The following MSI2 variants were observed in gnomAD, a reference collection of about 807,000 sequenced individuals.
MSI2 encodes the protein RNA-binding protein Musashi homolog 2.
In MSI2, 17 loss-of-function variants were observed where a neutral mutation model predicts 45.6. That is an observed-to-expected ratio of 0.37 (90% CI 0.26 to 0.56). MSI2 has a LOEUF of 0.56. MSI2 is among the 20% of genes least tolerant of loss of function. MSI2 has a pLI of 0.77. For missense variants in MSI2, 293 were observed against 444.2 expected (o/e 0.66, Z 3.06); for synonymous variants, 156 against 158.2 (o/e 0.99, Z 0.11).
intron 5 of MSI2, among the ~76,000 whole-genome samples, chr17:57,365,460 A>T (rs1237098166): frequency 6.6e-6 from 1 of 152,192 alleles, no homozygotes; most frequent in Non-Finnish European, 1.5e-5. Flanking sequence ...CTCACAGGAA[A>T]GTGTGGGGAA....
At chr17:57,510,585 G>A (rs908408340) in intron 6 of MSI2, among the ~76,000 whole-genome samples, 1 of 151,644 alleles carries the variant, frequency 6.6e-6, no homozygotes, top group East Asian at 1.9e-4. Context: ...GTGCCACCAC[G>A]CCCGGCTAAT....
At chr17:57,482,806 C>G (rs1280791790) in intron 6 of MSI2, among the ~76,000 whole-genome samples, 2 of 152,326 alleles carry the variant, frequency 1.3e-5, no homozygotes, top group East Asian at 3.9e-4. Context: ...GCCAGACCCT[C>G]CAGATGCACT....
At chr17:57,512,213 G>A (rs780841513) in intron 6 of MSI2, among the ~76,000 whole-genome samples, 1 of 152,168 alleles carries the variant, frequency 6.6e-6, no homozygotes, top group Non-Finnish European at 1.5e-5. Flanking sequence ...CAGGAATCAA[G>A]TCTTCCTCAT....
At chr17:57,491,691 A>G (rs2085874899) in intron 6 of MSI2, among the ~76,000 whole-genome samples, 1 of 152,144 alleles carries the variant, frequency 6.6e-6, no homozygotes, top group African/African-American at 2.4e-5. Context: ...CTCACTTCCA[A>G]TTCAGGAATC....
At position 57,608,723 on chromosome 17, in the gene MSI2, C is replaced by G. The variant is rs986906985; in HGVS notation, c.538-7247C>G. Among the ~76,000 whole-genome samples the G allele has an allele frequency of 5.9e-5, 9 of 152,224 alleles. No homozygotes were observed. In the South Asian group the frequency reaches 6.2e-4, roughly 11 times the overall value. ...GGGCCCTGTTCGTTCTGCTGTGAGGCTGACTCAGGGCCAGGTGCCGTGCAG... is the reference window on the plus strand; with the variant it reads ...GGGCCCTGTTCGTTCTGCTGTGAGGGTGACTCAGGGCCAGGTGCCGTGCAG... On this transcript the variant is annotated intron_variant, in intron 8 of 13. Coordinates refer to ENST00000284073, the MANE Select transcript of MSI2 (RefSeq NM_138962.4).
intron 5 of MSI2, among the ~76,000 whole-genome samples, chr17:57,361,148 T>C (rs1339054713): frequency 1.3e-5 from 2 of 152,196 alleles, no homozygotes; most frequent in African/African-American, 4.8e-5. Flanking sequence ...CCTGCACAGT[T>C]GAAAATCTGC....
the MSI2 span, among the ~76,000 whole-genome samples, chr17:57,700,899 TC>T: frequency 7.4e-6 from 1 of 135,576 alleles, no homozygotes; most frequent in Non-Finnish European, 1.6e-5. Flanking sequence ...CAAAACTCTG[TC>T]TTAAAAAAAA....
chr17:57,365,826 T>A (rs1917145825), intron 5 of MSI2, among the ~76,000 whole-genome samples: 3 of 152,220 alleles, frequency 2.0e-5, no homozygotes, highest in African/African-American at 4.8e-5. Flanking sequence ...GCCCATCTTG[T>A]CTAACCCTTA....
intron 5 of MSI2, among the ~76,000 whole-genome samples, chr17:57,318,450 G>A (rs995916697): frequency 6.6e-6 from 1 of 152,168 alleles, no homozygotes; most frequent in Non-Finnish European, 1.5e-5. Flanking sequence ...CTCTGGCTTT[G>A]GGGGAGTGCT....
intron 5 of MSI2, among the ~76,000 whole-genome samples, chr17:57,341,137 A>G (rs1437821239): frequency 6.6e-6 from 1 of 152,132 alleles, no homozygotes; most frequent in Admixed American, 6.5e-5. Flanking sequence ...GGGGCTCCCC[A>G]GTCAGAACCA....
intron 7 of MSI2, among the ~76,000 whole-genome samples, chr17:57,587,473 A>G (rs1332818697): frequency 6.6e-6 from 1 of 152,168 alleles, no homozygotes; most frequent in African/African-American, 2.4e-5. Flanking sequence ...GTGCAGTTCC[A>G]TGGAACTAGA....
chr17:57,569,656 A>G (rs2087824798), intron 7 of MSI2, among the ~76,000 whole-genome samples: 1 of 152,234 alleles, frequency 6.6e-6, no homozygotes, highest in Non-Finnish European at 1.5e-5. Flanking sequence ...TTCTGGTCCA[A>G]AGTGAAAAGA....
rs1470530427 is a variant in MSI2, at chr17:57,280,319, A to G, written c.312+18127A>G. On this transcript the variant is annotated intron_variant, in intron 5 of 13. Coordinates refer to ENST00000284073, the MANE Select transcript of MSI2 (RefSeq NM_138962.4). The surrounding 1 kb of genome is among the most constrained non-coding windows in gnomAD (Gnocchi z 4.2). ...AAATATCTCTCTGACAGTCTACACG[A>G]AAAGTGGCTTGTGGGTACCCCAGGG... Among the ~76,000 whole-genome samples, 5 of 152,222 alleles carry G rather than the reference A, an allele frequency of 3.3e-5. No homozygotes were observed. The highest frequency in any genetic ancestry group is 1.2e-4 in the African/African-American group (5 of 41,454).
intron 5 of MSI2, among the ~76,000 whole-genome samples, chr17:57,346,511 T>C (rs1430693955): frequency 6.6e-6 from 1 of 152,174 alleles, no homozygotes; most frequent in Non-Finnish European, 1.5e-5. Context: ...TGTGAATAAG[T>C]GTAGTCCAAG....
chr17:57,341,756 C>T (rs1446974464), intron 5 of MSI2, among the ~76,000 whole-genome samples: 2 of 152,264 alleles, frequency 1.3e-5, no homozygotes, highest in African/African-American at 4.8e-5. Flanking sequence ...CGCTTGTGGG[C>T]ACCGCCACAG....
intron 10 of MSI2, 102 bp from the exon 11 acceptor site, chr17:57,651,997 C>G (rs1419184993): frequency 9.2e-7 from 1 of 1,087,214 alleles, no homozygotes; most frequent in Non-Finnish European, 1.4e-6. Context: ...CCACTCCTGT[C>G]TTTGTGTGGA....
intron 6 of MSI2, among the ~76,000 whole-genome samples, chr17:57,486,586 C>T (rs565653659): frequency 1.3e-5 from 2 of 152,140 alleles, no homozygotes; most frequent in Admixed American, 6.5e-5. Flanking sequence ...AACTCATCTT[C>T]CTTGTATGTG....
intron 7 of MSI2, among the ~76,000 whole-genome samples, chr17:57,587,266 AGCCTGATGAAACACTT>A (rs371853823): frequency 4.4e-4 from 66 of 151,722 alleles, no homozygotes; most frequent in African/African-American, 1.5e-3. Context: ...TTGTAACTAA[AGCCTGATGAAACACTT>A]GCTGGTTCAT....
intron 5 of MSI2, among the ~76,000 whole-genome samples, chr17:57,308,378 TG>T (rs1358653033): frequency 1.3e-5 from 2 of 152,172 alleles, no homozygotes; most frequent in Admixed American, 6.5e-5. Flanking sequence ...AGCTTTTTCA[TG>T]TGTATGTTTT....
Sources: allele counts gnomAD v4.1 joint callset (sites outside exome capture counted in the v4.1 genomes callset), GRCh38; gene constraint gnomAD v4.1.1; non-coding constraint Gnocchi (gnomAD v3.1); transcripts MANE v1.5; gene names NCBI Gene and HGNC (gene_info 2026-07-23, HGNC 2026-07-21).